Variants in PCDHGB7 observed in about 807,000 individuals in gnomAD.
The protein encoded by PCDHGB7 is protocadherin gamma-B7.
PCDHGB7 carries 37 observed loss-of-function variants against 61.4 expected under a neutral mutation model. The observed-to-expected ratio is 0.60, with a 90% CI of 0.46 to 0.79. The LOEUF is 0.79. Ranked by LOEUF, PCDHGB7 falls within the 30% of genes least tolerant of loss-of-function variation. The probability of loss-of-function intolerance (pLI) is 0.00; values close to 1 mark genes in which losing one functional copy is unlikely to be tolerated. For missense variants in PCDHGB7, 1,166 were observed against 1,202.5 expected, an observed-to-expected ratio of 0.97 and a Z score of 0.45; for synonymous variants, 464 against 503.5, an observed-to-expected ratio of 0.92 and a Z score of 1.05.
intron 1 of PCDHGB7, chr5:141,422,102 T>A: frequency 6.2e-7 from 1 of 1,609,526 alleles, no homozygotes; most frequent in Non-Finnish European, 8.5e-7. Context: ...GCTTCTGAAA[T>A]ATTCCAATTG....
intron 1 of PCDHGB7, among the ~76,000 whole-genome samples, chr5:141,473,132 T>C (rs2099314792): frequency 6.6e-6 from 1 of 152,230 alleles, no homozygotes; most frequent in Non-Finnish European, 1.5e-5. Context: ...TGGCAAACTA[T>C]ATTATCTCTT....
intron 1 of PCDHGB7, among the ~76,000 whole-genome samples, chr5:141,444,372 T>C (rs967151811): frequency 6.6e-6 from 1 of 151,998 alleles, no homozygotes. Context: ...GGTTTCTCCA[T>C]GTTGGTCAGG....
rs2099710738 is a variant in PCDHGB7, at chr5:141,491,331, T to C, written c.2416-3476T>C. 6.2e-7 allele frequency: 1 copy of C among 1,614,170 alleles called. No homozygotes were observed. The highest frequency in any genetic ancestry group is 8.5e-7 in the Non-Finnish European group (1 of 1,180,018). On this transcript the variant is annotated intron_variant, in intron 1 of 3. Coordinates refer to ENST00000398594, the MANE Select transcript of PCDHGB7 (RefSeq NM_018927.4). The surrounding 1 kb of genome is among the most constrained non-coding windows in gnomAD (Gnocchi z 6.9). ...ACCTTACCCTTTACCTCATTGTGGC[T>C]CTAGCGACCGTCAGTCTCTTATCCC...
At chr5:141,480,298 C>T (rs1238380283) in intron 1 of PCDHGB7, among the ~76,000 whole-genome samples, 1 of 132,676 alleles carries the variant, frequency 7.5e-6, no homozygotes, top group Non-Finnish European at 1.6e-5. Flanking sequence ...ACCTGTGGTA[C>T]CAGCTACTTG....
rs1173306822 is a variant in PCDHGB7 at position 141,431,115 on chromosome 5, T to C, written c.2415+10841T>C. The C allele has an allele frequency of 9.3e-6, 15 of 1,613,492 alleles. No individual in the cohort carries two copies. The highest frequency in any genetic ancestry group is 1.3e-5 in the Non-Finnish European group (15 of 1,179,878). On this transcript the variant is annotated intron_variant, in intron 1 of 3. Coordinates refer to ENST00000398594, the MANE Select transcript of PCDHGB7 (RefSeq NM_018927.4). The surrounding 1 kb of genome is among the most constrained non-coding windows in gnomAD (Gnocchi z 4.8). The stretch of plus-strand genomic sequence containing the variant: ...GAGGATAAAGTGAAAATATATGGAG[T>C]AGAAGTAGAAGTAAGGGACATTAAC...
intron 1 of PCDHGB7, chr5:141,478,121 G>A (rs1393103666): frequency 1.2e-6 from 2 of 1,613,918 alleles, no homozygotes; most frequent in South Asian, 1.1e-5. Flanking sequence ...AGTAACCGAG[G>A]ACTCTCCTGA....
Position 141,485,190 on chromosome 5 carries a change from G to C in PCDHGB7, c.2416-9617G>C. 6.2e-7 allele frequency: 1 copy of C among 1,613,920 alleles called. No individual in the cohort carries two copies. Among genetic ancestry groups the C allele is most frequent in the Non-Finnish European group, 8.5e-7 (1 of 1,179,788 alleles). Reference sequence around the variant, plus strand: ...GCGGCAGCAATGCTCCGCAAGGTGAGAAGCTGGACAGAAATCTGGCGGTGG... The same window carrying C: ...GCGGCAGCAATGCTCCGCAAGGTGACAAGCTGGACAGAAATCTGGCGGTGG... On this transcript the variant is annotated intron_variant, in intron 1 of 3. Coordinates refer to ENST00000398594, the MANE Select transcript of PCDHGB7 (RefSeq NM_018927.4). This position sits in a 1 kb window ranked among gnomAD's most constrained non-coding sequence, Gnocchi z 5.7.
chr5:141,458,054 T>G (rs2098935656), intron 1 of PCDHGB7, among the ~76,000 whole-genome samples: 1 of 152,252 alleles, frequency 6.6e-6, no homozygotes, highest in Admixed American at 6.5e-5. Context: ...GGATTCTTGC[T>G]GCACTGATGC....
rs968865313 is a variant in PCDHGB7, at chr5:141,511,294, C to T, written c.*121C>T. 1 of 1,506,752 alleles carries T rather than the reference C, an allele frequency of 6.6e-7. No individual in the cohort carries two copies. Among genetic ancestry groups the T allele is most frequent in the Non-Finnish European group, 8.9e-7 (1 of 1,123,692 alleles). 93.3% of individuals were successfully genotyped at this position (1,506,752 alleles called of 1,614,324 possible). On this transcript the variant is annotated 3_prime_UTR_variant, in exon 4 of 4. Coordinates refer to ENST00000398594, the MANE Select transcript of PCDHGB7 (RefSeq NM_018927.4). ...CCCAGAATACTGGTAGGGGCCAAGG[C>T]CATGCTCCCCTTGGGAAACAGAAAC...
At position 141,511,211 on chromosome 5, in the gene PCDHGB7, C is replaced by G; in HGVS notation, c.*38C>G. ...GCCAAGAGCCACAGGGCGGCCTCTC[C>G]CCAACCAGCCCAGCTTCTCCTTACC... On this transcript the variant is annotated 3_prime_UTR_variant, in exon 4 of 4. Transcript: ENST00000398594. The G allele has an allele frequency of 6.2e-7, 1 of 1,608,626 alleles. No individual in the cohort carries two copies. The highest frequency in any genetic ancestry group is 8.5e-7 in the Non-Finnish European group (1 of 1,177,476).
At chr5:141,482,089 C>CA (rs36035257) in intron 1 of PCDHGB7, among the ~76,000 whole-genome samples, 13,509 of 134,292 alleles carry the variant, frequency 0.1, 910 homozygotes, top group African/African-American at 0.2. Context: ...CACTCCATCT[C>CA]AAAAAAAAAA....
chr5:141,489,732 C>CA lies in PCDHGB7; in HGVS notation c.2416-5073dup, dbSNP rs770971020. On this transcript the variant is annotated intron_variant, in intron 1 of 3. Transcript: ENST00000398594. This position sits in a 1 kb window ranked among gnomAD's most constrained non-coding sequence, Gnocchi z 4.5. ...GTGCCCAGGATCCGGATGTGGGCAC[C>CA]AATACTGTGAGCTTTTACACTCTAA... 4.3e-6 allele frequency: 7 copies of CA among 1,614,008 alleles called. No individual in the cohort carries two copies. Among genetic ancestry groups the CA allele is most frequent in the Non-Finnish European group, 5.9e-6 (7 of 1,180,002 alleles).
intron 2 of PCDHGB7, among the ~76,000 whole-genome samples, chr5:141,499,283 G>T (rs1460838051): frequency 6.6e-6 from 1 of 152,066 alleles, no homozygotes; most frequent in Non-Finnish European, 1.5e-5. Context: ...TTCTCTGATG[G>T]CTCCACACTA....
At position 141,432,069 on chromosome 5, in the gene PCDHGB7, A is replaced by G. The variant is rs572724741; in HGVS notation, c.2415+11795A>G. On this transcript the variant is annotated intron_variant, in intron 1 of 3. Transcript: ENST00000398594. The surrounding 1 kb of genome is among the most constrained non-coding windows in gnomAD (Gnocchi z 6.0). ...ACCCCGCCCCTATCCACGGAAACTC[A>G]TATCTCGCTGAACGTGGCAGACACC... 646 of 1,614,168 alleles carry G rather than the reference A, an allele frequency of 4.0e-4. 5 individuals are homozygous for G. In the South Asian group the frequency reaches 6.9e-3, roughly 17 times the overall value.
chr5:141,490,480 C>A lies in PCDHGB7; in HGVS notation c.2416-4327C>A, dbSNP rs564439931. ...GCTGCTAACCAGCCAGCCTTTGGAC[C>A]GGGAGGCCACATCCCACTATATCAT... On this transcript the variant is annotated intron_variant, in intron 1 of 3. Transcript: ENST00000398594. The surrounding 1 kb of genome is among the most constrained non-coding windows in gnomAD (Gnocchi z 5.4). 2.5e-5 allele frequency: 40 copies of A among 1,614,076 alleles called. No homozygotes were observed. The highest frequency in any genetic ancestry group is 5.9e-6 in the Non-Finnish European group (7 of 1,180,058).
chr5:141,475,749 A>G (rs1039777629), intron 1 of PCDHGB7, among the ~76,000 whole-genome samples: 13 of 152,278 alleles, frequency 8.5e-5, no homozygotes, highest in Admixed American at 6.5e-5. Context: ...TAGGTTTCCT[A>G]TGCACCGATA....
At chr5:141,484,287 C>T (rs1432341538) in intron 1 of PCDHGB7, among the ~76,000 whole-genome samples, 1 of 152,268 alleles carries the variant, frequency 6.6e-6, no homozygotes, top group Non-Finnish European at 1.5e-5. Context: ...GAAACATCTC[C>T]CTCTCCTGGC....
At chr5:141,505,536 C>T (rs749205049) in intron 3 of PCDHGB7, 55 bp downstream of exon 3, 9 of 1,610,164 alleles carry the variant, frequency 5.6e-6, no homozygotes, top group Non-Finnish European at 7.6e-6. Context: ...TTCTGGGGTG[C>T]ATCTCACAGC....
intron 1 of PCDHGB7, among the ~76,000 whole-genome samples, chr5:141,450,894 G>A (rs919860611): frequency 2.7e-5 from 4 of 148,956 alleles, no homozygotes; most frequent in Admixed American, 1.3e-4. Context: ...GTGCGATATC[G>A]GCTCACTGCA....
Sources: gnomAD v4.1 joint callset for allele counts (sites outside exome capture counted in the v4.1 genomes callset) on GRCh38, gnomAD v4.1.1 for gene constraint, Gnocchi (gnomAD v3.1) non-coding constraint, MANE v1.5 for transcripts, NCBI Gene and HGNC (gene_info 2026-07-23, HGNC 2026-07-21) for gene names.